Variants in ABCC4 observed in about 807,000 individuals in gnomAD.
ABCC4 encodes ATP-binding cassette sub-family C member 4.
In ABCC4, 102 loss-of-function variants were observed where a neutral mutation model predicts 168.5. The ratio of observed to expected loss-of-function variants is 0.61; its 90% CI spans 0.52 to 0.71. The LOEUF (loss-of-function observed/expected upper bound fraction) is 0.71. ABCC4 is among the 30% of genes least tolerant of loss of function. The pLI, the probability that ABCC4 is intolerant of heterozygous loss-of-function variation, is 0.00. For missense variants in ABCC4, 1,402 were observed against 1,605.8 expected, an observed-to-expected ratio of 0.87 and a Z score of 2.17; for synonymous variants, 617 against 590.7, an observed-to-expected ratio of 1.04 and a Z score of -0.65.
chr13:95,247,573 A>G (rs2040138453), intron 2 of ABCC4, 70 bp downstream of exon 2: 2 of 1,216,746 alleles, frequency 1.6e-6, no homozygotes, highest in Non-Finnish European at 2.4e-6. Flanking sequence ...GGACCCAGGA[A>G]GGCAAAACCC....
chr13:95,283,371 T>C, intron 1 of ABCC4, among the ~76,000 whole-genome samples: 1 of 71,154 alleles, frequency 1.4e-5, no homozygotes, highest in Non-Finnish European at 2.7e-5. Context: ...GTTTTTTTTT[T>C]TTTTTTTTTT....
chr13:95,091,882 T>C (rs555740463), intron 20 of ABCC4, among the ~76,000 whole-genome samples: 1 of 152,310 alleles, frequency 6.6e-6, no homozygotes, highest in South Asian at 2.1e-4. Context: ...AAGTGCAGAA[T>C]GGATAAAAAC....
chr13:95,229,522 C>A (rs1594341639), intron 4 of ABCC4, among the ~76,000 whole-genome samples: 1 of 152,242 alleles, frequency 6.6e-6, no homozygotes, highest in Admixed American at 6.5e-5. Flanking sequence ...GCCAACCCAA[C>A]ATCAAAATCC....
At chr13:95,153,217 G>A (rs866652134) in intron 19 of ABCC4, among the ~76,000 whole-genome samples, 1 of 152,106 alleles carries the variant, frequency 6.6e-6, no homozygotes, top group Non-Finnish European at 1.5e-5. Flanking sequence ...AACAGTGGGG[G>A]ACAGTTTTAA....
At chr13:95,090,282 C>T (rs1041891273) in intron 20 of ABCC4, among the ~76,000 whole-genome samples, 2 of 152,168 alleles carry the variant, frequency 1.3e-5, no homozygotes, top group East Asian at 1.9e-4. Context: ...ATGCTCTCTG[C>T]AAAGTGCCAC....
chr13:95,164,078 G>GAAAGAA (rs1204036802), intron 16 of ABCC4, among the ~76,000 whole-genome samples: 3 of 144,912 alleles, frequency 2.1e-5, no homozygotes, highest in Non-Finnish European at 4.5e-5. Flanking sequence ...AAGAAAGAAA[G>GAAAGAA]AATAAAAGGC....
chr13:95,241,812 T>TC (rs1342372236), intron 3 of ABCC4, among the ~76,000 whole-genome samples: 1 of 152,194 alleles, frequency 6.6e-6, no homozygotes, highest in Non-Finnish European at 1.5e-5. Flanking sequence ...CCATCTCTCT[T>TC]CCTGCTGGTG....
At chr13:95,130,074 T>C (rs1182467302) in intron 19 of ABCC4, among the ~76,000 whole-genome samples, 1 of 147,886 alleles carries the variant, frequency 6.8e-6, no homozygotes, top group Non-Finnish European at 1.5e-5. Flanking sequence ...AAACTCCATC[T>C]TAAAAAAAAA....
chr13:95,079,237 C>T (rs905776478), intron 21 of ABCC4, among the ~76,000 whole-genome samples: 1 of 152,236 alleles, frequency 6.6e-6, no homozygotes, highest in African/African-American at 2.4e-5. Flanking sequence ...CACAACCTGC[C>T]ATTTGACAAG....
chr13:95,230,004 A>G (rs544509224), intron 4 of ABCC4, among the ~76,000 whole-genome samples: 13 of 152,206 alleles, frequency 8.5e-5, no homozygotes, highest in Non-Finnish European at 1.3e-4. Context: ...AAAACAGGAG[A>G]TAAGGCACTG....
At chr13:95,295,460 C>A (rs1333817496) in intron 1 of ABCC4, among the ~76,000 whole-genome samples, 3 of 151,906 alleles carry the variant, frequency 2.0e-5, no homozygotes, top group Non-Finnish European at 2.9e-5. Context: ...AAGATCAAGA[C>A]CATCCTGGTC....
At chr13:95,095,291 T>TATCTATC (rs1233083362) in intron 20 of ABCC4, among the ~76,000 whole-genome samples, 1 of 89,922 alleles carries the variant, frequency 1.1e-5, no homozygotes, top group Non-Finnish European at 2.3e-5. Flanking sequence ...TGAGATTATC[T>TATCTATC]ATCTATCTAT....
intron 19 of ABCC4, among the ~76,000 whole-genome samples, chr13:95,143,754 C>G (rs1384346626): frequency 2.0e-5 from 3 of 152,116 alleles, no homozygotes; most frequent in Non-Finnish European, 2.9e-5. Context: ...ATTATAAAAA[C>G]TTGATTTAGA....
chr13:95,181,312 C>T (rs2139604578), intron 11 of ABCC4, among the ~76,000 whole-genome samples: 1 of 152,332 alleles, frequency 6.6e-6, no homozygotes, highest in South Asian at 2.1e-4. Context: ...GAGGCCCCAG[C>T]ACAAGAAGAG....
At chr13:95,207,750 T>C (rs1274082850) in intron 7 of ABCC4, 50 bp downstream of exon 7, 16 of 1,570,624 alleles carry the variant, frequency 1.0e-5, no homozygotes, top group African/African-American at 1.4e-5. Flanking sequence ...TCAACAAGAA[T>C]AGCAAATAGA....
At chr13:95,262,340 T>C (rs1281271285) in intron 1 of ABCC4, among the ~76,000 whole-genome samples, 2 of 152,188 alleles carry the variant, frequency 1.3e-5, no homozygotes, top group Non-Finnish European at 2.9e-5. Context: ...GAACAAAGCA[T>C]GAGATTTTTG....
At chr13:95,214,707 G>T (rs576102276) in intron 4 of ABCC4, among the ~76,000 whole-genome samples, 10 of 151,874 alleles carry the variant, frequency 6.6e-5, no homozygotes, top group African/African-American at 2.2e-4. Context: ...CCAACATGGT[G>T]AGACCCCGCC....
chr13:95,140,122 CATG>C (rs1386990167), intron 19 of ABCC4, among the ~76,000 whole-genome samples: 1 of 152,188 alleles, frequency 6.6e-6, no homozygotes, highest in African/African-American at 2.4e-5. Context: ...TCTCCTCACT[CATG>C]ATGTCAACCA....
At chr13:95,230,080 A>T (rs899846078) in intron 4 of ABCC4, among the ~76,000 whole-genome samples, 1 of 152,236 alleles carries the variant, frequency 6.6e-6, no homozygotes, top group Non-Finnish European at 1.5e-5. Flanking sequence ...ACATTCTAAC[A>T]TGAGCAAGTA....
Sources: allele counts gnomAD v4.1 joint callset (sites outside exome capture counted in the v4.1 genomes callset), GRCh38; gene constraint gnomAD v4.1.1; transcripts MANE v1.5; gene names NCBI Gene and HGNC (gene_info 2026-07-23, HGNC 2026-07-21).